The following PCDH15 variants were observed in gnomAD, a reference collection of about 807,000 sequenced individuals.
The protein encoded by PCDH15 is protocadherin related 15.
PCDH15 carries 129 observed loss-of-function variants against 178.5 expected under a neutral mutation model. That is an observed-to-expected ratio of 0.72 (90% CI 0.63 to 0.84). The LOEUF is 0.84. Among genes scored for constraint, PCDH15 ranks in the 40% least tolerant of loss-of-function variants. PCDH15 has a pLI of 0.00. For synonymous variants in PCDH15, 800 were observed against 732.0 expected (o/e 1.09, Z -1.50); for missense variants, 2,230 against 2,099.9 (o/e 1.06, Z -1.21).
intron 2 of PCDH15, among the ~76,000 whole-genome samples, chr10:55,517,160 TA>T (rs552594894): frequency 6.6e-6 from 1 of 152,026 alleles, no homozygotes; most frequent in Admixed American, 6.6e-5. Context: ...TAAGAGAGGT[TA>T]AAAAAACTGG....
chr10:54,592,272 T>C (rs762174733), intron 2 of PCDH15, among the ~76,000 whole-genome samples: 1 of 152,074 alleles, frequency 6.6e-6, no homozygotes, highest in African/African-American at 2.4e-5. Context: ...TTATTTTCTT[T>C]CTTTTCCCTC....
intron 2 of PCDH15, among the ~76,000 whole-genome samples, chr10:54,964,077 C>T (rs575105401): frequency 2.6e-5 from 4 of 152,244 alleles, no homozygotes; most frequent in Admixed American, 1.3e-4. Flanking sequence ...ACTAGTGAGG[C>T]GTCTTGTGTC....
chr10:55,003,061 T>C (rs1236670471), intron 2 of PCDH15, among the ~76,000 whole-genome samples: 2 of 152,192 alleles, frequency 1.3e-5, no homozygotes, highest in African/African-American at 4.8e-5. Flanking sequence ...GAAATTCTGA[T>C]ATGTTTTAAC....
intron 15 of PCDH15, among the ~76,000 whole-genome samples, chr10:54,107,565 T>C (rs1489538143): frequency 2.6e-5 from 4 of 152,024 alleles, no homozygotes; most frequent in Admixed American, 1.3e-4. Context: ...GTTTGGAAGA[T>C]GAAATGTTTT....
chr10:55,547,549 C>A (rs1399785928), intron 2 of PCDH15, among the ~76,000 whole-genome samples: 1 of 151,906 alleles, frequency 6.6e-6, no homozygotes, highest in African/African-American at 2.4e-5. Context: ...TGCTATTAAT[C>A]ACAAATTGTT....
At chr10:54,965,687 AT>A (rs77769809) in intron 2 of PCDH15, among the ~76,000 whole-genome samples, 55,897 of 148,146 alleles carry the variant, frequency 0.38, 11,562 homozygotes, top group East Asian at 0.69. Flanking sequence ...AGCCACATTA[AT>A]TTTTTTTCAT....
At chr10:54,689,881 G>A (rs2095085181) in intron 1 of PCDH15, among the ~76,000 whole-genome samples, 3 of 152,128 alleles carry the variant, frequency 2.0e-5, no homozygotes, top group Admixed American at 2.0e-4. Flanking sequence ...AGCAAAGTAG[G>A]TAGCAATTTC....
rs143525734 is a variant in PCDH15 at position 55,402,774 on chromosome 10, TA to T, written c.-156+224850del. Among the ~76,000 whole-genome samples, 1,205 of 152,068 alleles carry T rather than the reference TA, an allele frequency of 7.9e-3. 15 individuals carry two copies. Among genetic ancestry groups the T allele is most frequent in the African/African-American group, 0.026 (1,082 of 41,556 alleles). On this transcript the variant is annotated intron_variant, in intron 2 of 5. Transcript: ENST00000613346. Reference sequence around the variant, plus strand: ...ATACTGGCTACTATCAATAATGCTGTAAAAAATATGGGGGTGCAGGTGTCCC... The same window carrying T: ...ATACTGGCTACTATCAATAATGCTGTAAAAATATGGGGGTGCAGGTGTCCC...
intron 1 of PCDH15, among the ~76,000 whole-genome samples, chr10:55,214,821 A>G (rs560788869): frequency 1.3e-5 from 2 of 152,008 alleles, no homozygotes; most frequent in South Asian, 4.1e-4. Context: ...ACTGACTCAT[A>G]TATCATATTG....
intron 3 of PCDH15, among the ~76,000 whole-genome samples, chr10:54,418,342 A>G (rs1382494758): frequency 6.6e-6 from 1 of 152,126 alleles, no homozygotes; most frequent in Non-Finnish European, 1.5e-5. Flanking sequence ...CAAAAGTAAT[A>G]TAAGCTAAAA....
At chr10:54,044,482 T>C (rs749097945) in intron 18 of PCDH15, among the ~76,000 whole-genome samples, 2 of 152,010 alleles carry the variant, frequency 1.3e-5, no homozygotes, top group African/African-American at 2.4e-5. Context: ...AAAAGTTCAG[T>C]GATGGCTCTC....
At chr10:55,232,696 T>C (rs1841260560) in intron 1 of PCDH15, among the ~76,000 whole-genome samples, 1 of 152,116 alleles carries the variant, frequency 6.6e-6, no homozygotes, top group Admixed American at 6.5e-5. Flanking sequence ...CCAGCTGCCA[T>C]GTCAGTAGAT....
intron 2 of PCDH15, among the ~76,000 whole-genome samples, chr10:55,452,542 C>A (rs575673587): frequency 1.5e-4 from 23 of 152,264 alleles, no homozygotes; most frequent in Admixed American, 1.3e-3. Flanking sequence ...ATAATTCATT[C>A]TAGCATTCAG....
intron 2 of PCDH15, among the ~76,000 whole-genome samples, chr10:54,650,415 C>T (rs942475924): frequency 6.6e-6 from 1 of 151,782 alleles, no homozygotes; most frequent in Admixed American, 6.6e-5. Flanking sequence ...TCACAAGGAC[C>T]CTATGGAGTA....
chr10:53,804,837 T>G lies in PCDH15; in HGVS notation c.*1742A>C, dbSNP rs937662262. ...AATGTGCATATAAACCACCTTAGGA[T>G]CTTTTGAAAATGTGGATGCTTGTTT... On this transcript the variant is annotated 3_prime_UTR_variant, in exon 38 of 38. Coordinates refer to ENST00000644397, the MANE Select transcript of PCDH15 (RefSeq NM_001384140.1). 4.6e-5 allele frequency: 7 copies of G among 151,966 alleles called. No homozygotes were observed. The highest frequency in any genetic ancestry group is 4.6e-4 in the Admixed American group (7 of 15,212). 9.4% of individuals were successfully genotyped at this position (151,966 alleles called of 1,614,324 possible).
At chr10:54,273,846 CT>C (rs1320493039) in intron 8 of PCDH15, among the ~76,000 whole-genome samples, 10 of 152,062 alleles carry the variant, frequency 6.6e-5, no homozygotes, top group Admixed American at 2.6e-4. Context: ...CTGGAACACC[CT>C]TTTATTTCCT....
intron 32 of PCDH15, among the ~76,000 whole-genome samples, chr10:53,826,272 T>C (rs1363761791): frequency 6.6e-6 from 1 of 152,128 alleles, no homozygotes; most frequent in East Asian, 1.9e-4. Flanking sequence ...AATTCAGATT[T>C]TGTGTTAAAA....
chr10:54,168,441 C>T (rs974745057), intron 13 of PCDH15, among the ~76,000 whole-genome samples: 10 of 151,760 alleles, frequency 6.6e-5, no homozygotes, highest in Middle Eastern at 3.4e-3. Flanking sequence ...GGCTGCTCCT[C>T]GCCAGGCCGA....
At chr10:54,977,071 C>T (rs1227973751) in intron 2 of PCDH15, among the ~76,000 whole-genome samples, 2 of 152,154 alleles carry the variant, frequency 1.3e-5, no homozygotes, top group Admixed American at 1.3e-4. Flanking sequence ...GTAACTTGCA[C>T]AACTGCTTTA....
Sources: gnomAD v4.1 joint callset for allele counts (sites outside exome capture counted in the v4.1 genomes callset) on GRCh38, gnomAD v4.1.1 for gene constraint, MANE v1.5 for transcripts, NCBI Gene and HGNC (gene_info 2026-07-23, HGNC 2026-07-21) for gene names.